Variants in IL7 observed in about 807,000 individuals in gnomAD.
The protein encoded by IL7 is interleukin-7.
IL7 carries 3 observed loss-of-function variants against 21.6 expected under a neutral mutation model. The observed-to-expected ratio is 0.14, with a 90% CI of 0.06 to 0.36. IL7 has a LOEUF of 0.36. Ranked by LOEUF, IL7 falls within the 10% of genes least tolerant of loss-of-function variation. IL7 has a pLI of 1.00. For missense variants in IL7, 175 were observed against 200.2 expected, an observed-to-expected ratio of 0.87 and a Z score of 0.76; for synonymous variants, 62 against 68.1, an observed-to-expected ratio of 0.91 and a Z score of 0.44.
chr8:78,704,861 T>A (rs1264067981), intron 3 of IL7, among the ~76,000 whole-genome samples: 3 of 152,224 alleles, frequency 2.0e-5, no homozygotes, highest in Non-Finnish European at 4.4e-5. Context: ...CTTCAAGCTC[T>A]GAGATTTGTT....
rs554455846 is a variant in IL7, at chr8:78,758,065, C to T, written c.148-17983G>A. On this transcript the variant is annotated intron_variant, in intron 2 of 5. Coordinates refer to ENST00000263851, the MANE Select transcript of IL7 (RefSeq NM_000880.4). ...TTCCCAGACATGTGGAACTGTGAGT[C>T]CATTTAACCTCTTTCCTTTATAAGT... 3.9e-5 allele frequency among the ~76,000 whole-genome samples: 6 copies of T among 152,172 alleles called. No individual in the cohort carries two copies. In the East Asian group the frequency reaches 1.2e-3, roughly 29 times the overall value.
chr8:78,804,052 A>C (rs1024156863), intron 1 of IL7, among the ~76,000 whole-genome samples: 4 of 151,976 alleles, frequency 2.6e-5, no homozygotes, highest in African/African-American at 9.7e-5. Flanking sequence ...TTCCCCTCAC[A>C]ATCCTTTTTC....
intron 2 of IL7, among the ~76,000 whole-genome samples, chr8:78,742,883 C>A (rs1338507864): frequency 6.6e-6 from 1 of 152,022 alleles, no homozygotes; most frequent in Non-Finnish European, 1.5e-5. Flanking sequence ...CTCTTCCTAC[C>A]CTCCATCCTC....
At chr8:78,690,642 A>G (rs563637236) in intron 3 of IL7, among the ~76,000 whole-genome samples, 7 of 152,296 alleles carry the variant, frequency 4.6e-5, no homozygotes, top group East Asian at 1.9e-4. Flanking sequence ...TCTACAAAAA[A>G]TGACTTCTAG....
At chr8:78,737,540 A>C (rs1489734235) in intron 4 of IL7, among the ~76,000 whole-genome samples, 1 of 152,142 alleles carries the variant, frequency 6.6e-6, no homozygotes, top group Non-Finnish European at 1.5e-5. Context: ...AATCCAGCAC[A>C]CTAAGAGGAG....
chr8:78,683,594 C>T (rs942545122), intron 4 of IL7, among the ~76,000 whole-genome samples: 23 of 152,126 alleles, frequency 1.5e-4, no homozygotes, highest in African/African-American at 4.6e-4. Context: ...CCTTCTAGGC[C>T]TCTGAACCTG....
intron 2 of IL7, among the ~76,000 whole-genome samples, chr8:78,767,407 A>G (rs1455752955): frequency 1.3e-5 from 2 of 151,898 alleles, no homozygotes; most frequent in Non-Finnish European, 2.9e-5. Flanking sequence ...TAATTTTGGT[A>G]TTTAAGTGAC....
Position 78,738,631 on chromosome 8 carries a change from C to T in IL7, c.233G>A (p.Gly78Asp). 6.2e-7 allele frequency: 1 copy of T among 1,612,970 alleles called. No individual in the cohort carries two copies. The highest frequency in any genetic ancestry group is 1.3e-5 in the African/African-American group (1 of 74,964). Residue 78 changes from glycine (G) to aspartate (D), a missense_variant, in exon 4 of 6, where the codon GGT (glycine) becomes GAT (aspartate). By Grantham distance (94) the Gly-to-Asp change is moderately conservative. Coordinates refer to ENST00000263851, the MANE Select transcript of IL7 (RefSeq NM_000880.4). Reference protein sequence around the residue: ...KRHICDANKEGMFLFRAARKL... With the variant: ...KRHICDANKEDMFLFRAARKL... ...GCGAGCAGCACGGAATAAAAACATA[C>T]CTTCCTATTATAGGAAAAAGTCAGA...
chr8:78,709,520 T>C (rs1038941092), intron 3 of IL7, among the ~76,000 whole-genome samples: 2 of 152,120 alleles, frequency 1.3e-5, no homozygotes, highest in African/African-American at 4.8e-5. Context: ...GATAGGGAGC[T>C]AACTTTGCTG....
intron 3 of IL7, among the ~76,000 whole-genome samples, chr8:78,703,806 G>T (rs1470494866): frequency 6.6e-6 from 1 of 152,042 alleles, no homozygotes; most frequent in Non-Finnish European, 1.5e-5. Context: ...GATGTGTGTG[G>T]ATTTGATTGT....
intron 2 of IL7, among the ~76,000 whole-genome samples, chr8:78,778,923 G>A (rs1245920624): frequency 6.6e-6 from 1 of 152,064 alleles, no homozygotes; most frequent in East Asian, 1.9e-4. Flanking sequence ...ATATACTTGA[G>A]CAGTGGTTTG....
chr8:78,697,006 T>C (rs1313085862), intron 3 of IL7, among the ~76,000 whole-genome samples: 1 of 152,198 alleles, frequency 6.6e-6, no homozygotes, highest in Non-Finnish European at 1.5e-5. Flanking sequence ...TTGCTGTTAG[T>C]TTGTTTTAGC....
intron 2 of IL7, chr8:78,762,428 G>A (rs1812599286): frequency 4.4e-6 from 7 of 1,592,568 alleles, no homozygotes; most frequent in Admixed American, 3.5e-5. Context: ...CAGAAGTTCG[G>A]CATCGTCGCC....
intron 2 of IL7, among the ~76,000 whole-genome samples, chr8:78,751,109 T>C (rs879432632): frequency 7.2e-6 from 1 of 139,380 alleles, no homozygotes; most frequent in Admixed American, 7.0e-5. Flanking sequence ...AAAAAACTGA[T>C]AAAAAAGAAC....
chr8:78,716,910 C>G (rs1811124815), downstream of IL7, among the ~76,000 whole-genome samples: 1 of 152,102 alleles, frequency 6.6e-6, no homozygotes, highest in African/African-American at 2.4e-5. Context: ...CCTCCTGCTC[C>G]CACCATGTAA....
chr8:78,764,969 G>A (rs777746651), intron 2 of IL7, among the ~76,000 whole-genome samples: 5 of 152,088 alleles, frequency 3.3e-5, no homozygotes, highest in Non-Finnish European at 7.4e-5. Context: ...TATAGCATTA[G>A]TGAAAAAACA....
chr8:78,775,706 T>C (rs1813110271), intron 2 of IL7, among the ~76,000 whole-genome samples: 3 of 152,072 alleles, frequency 2.0e-5, no homozygotes. Flanking sequence ...TTGAATTTTC[T>C]CATAAGCAAA....
intron 5 of IL7, among the ~76,000 whole-genome samples, chr8:78,720,653 A>C (rs996452612): frequency 1.3e-5 from 2 of 151,892 alleles, no homozygotes; most frequent in Admixed American, 6.6e-5. Flanking sequence ...GATTTTAATA[A>C]TGTGTTTATA....
At chr8:78,795,968 G>A (rs763027975) in intron 2 of IL7, among the ~76,000 whole-genome samples, 1 of 151,972 alleles carries the variant, frequency 6.6e-6, no homozygotes, top group Non-Finnish European at 1.5e-5. Flanking sequence ...AAGAGACAGT[G>A]GAGTAAAAGT....
Sources: allele counts gnomAD v4.1 joint callset (sites outside exome capture counted in the v4.1 genomes callset), GRCh38; gene constraint gnomAD v4.1.1; transcripts MANE v1.5; gene names NCBI Gene and HGNC (gene_info 2026-07-23, HGNC 2026-07-21).